Variants in SH3KBP1 observed in about 807,000 individuals in gnomAD.
The protein encoded by SH3KBP1 is SH3 domain-containing kinase-binding protein 1.
SH3KBP1 carries 8 observed loss-of-function variants against 50.1 expected under a neutral mutation model. The ratio of observed to expected loss-of-function variants is 0.16; its 90% CI spans 0.09 to 0.29. The LOEUF is 0.29. SH3KBP1 is among the 10% of genes least tolerant of loss of function. The pLI is 1.00. For missense variants in SH3KBP1, 377 were observed against 535.2 expected (o/e 0.70, Z 2.92); for synonymous variants, 227 against 218.6 (o/e 1.04, Z -0.34).
chrX:19,871,467 G>A (rs185156890), intron 1 of SH3KBP1, among the ~76,000 whole-genome samples: 1 of 112,418 alleles, frequency 8.9e-6, no homozygotes, highest in Non-Finnish European at 1.9e-5. Flanking sequence ...AAAGTATATG[G>A]TACATATTAG....
At chrX:19,651,652 C>T (rs1034991633) in intron 6 of SH3KBP1, among the ~76,000 whole-genome samples, 1 of 112,555 alleles carries the variant, frequency 8.9e-6, no homozygotes, top group African/African-American at 3.2e-5. Context: ...TCTTTGCCCA[C>T]AGTTAAAGAC....
Position 19,580,846 on chromosome X carries a change from C to T in SH3KBP1, c.1298+7797G>A, listed in dbSNP as rs1162492310. Among the ~76,000 whole-genome samples the T allele has an allele frequency of 2.7e-5, 3 of 111,731 alleles. No homozygotes were observed. In the Admixed American group the frequency reaches 2.9e-4, roughly 11 times the overall value. ...TCCCTGCTGCTGTCTCTACTCTTTC[C>T]TCCTCCTGTTCTCCGTAATCTCCTG... On this transcript the variant is annotated intron_variant, in intron 12 of 17. Transcript: ENST00000397821.
chrX:19,586,153 C>T (rs1354895499), intron 12 of SH3KBP1, among the ~76,000 whole-genome samples: 2 of 112,130 alleles, frequency 1.8e-5, no homozygotes, highest in South Asian at 3.7e-4. Flanking sequence ...AGGAAGGAGG[C>T]AAATGGGACC....
At chrX:19,850,140 T>A (rs1051155285) in intron 1 of SH3KBP1, among the ~76,000 whole-genome samples, 6 of 111,962 alleles carry the variant, frequency 5.4e-5, no homozygotes, top group African/African-American at 2.0e-4. Flanking sequence ...TATACATATG[T>A]ATGTTTCAAT....
At position 19,536,190 on chromosome X, in the gene SH3KBP1, GCT is replaced by G; in HGVS notation, c.*225_*226del. 3.5e-6 allele frequency: 1 copy of G among 284,370 alleles called. No individual in the cohort carries two copies. Among genetic ancestry groups the G allele is most frequent in the Non-Finnish European group, 6.4e-6 (1 of 156,412 alleles). 23.4% of individuals were successfully genotyped at this position (284,370 alleles called of 1,213,427 possible). On this transcript the variant is annotated 3_prime_UTR_variant, in exon 18 of 18. Coordinates refer to ENST00000397821, the MANE Select transcript of SH3KBP1 (RefSeq NM_031892.3). ...GTAGAAAAGCCTTTAGCACAATTTT[GCT>G]CTGTGTAAGTCACAACGAGTGCCAG...
At chrX:19,557,230 A>G (rs1460194161) in intron 13 of SH3KBP1, among the ~76,000 whole-genome samples, 2 of 111,552 alleles carry the variant, frequency 1.8e-5, no homozygotes, top group East Asian at 2.8e-4. Flanking sequence ...TTTTTTTTCT[A>G]TTTTATTCAA....
chrX:19,791,300 CT>C (rs1184455848), intron 2 of SH3KBP1, among the ~76,000 whole-genome samples: 1 of 111,387 alleles, frequency 9.0e-6, no homozygotes, highest in Non-Finnish European at 1.9e-5. Context: ...AACAACTCCA[CT>C]GCTAAGCATG....
At chrX:19,687,854 G>A (rs1412654757) in intron 5 of SH3KBP1, among the ~76,000 whole-genome samples, 1 of 111,944 alleles carries the variant, frequency 8.9e-6, no homozygotes, top group Non-Finnish European at 1.9e-5. Flanking sequence ...AGACCATTAG[G>A]CAGGATTTAA....
intron 8 of SH3KBP1, among the ~76,000 whole-genome samples, chrX:19,618,395 A>AAAC (rs1556025582): frequency 1.9e-5 from 2 of 106,595 alleles, no homozygotes; most frequent in African/African-American, 6.9e-5. Context: ...CAAAAAAAAA[A>AAAC]AAAAAAAAAA....
rs1325454844 is a variant in SH3KBP1, at chrX:19,887,452, G to A, written c.-142C>T. On this transcript the variant is annotated 5_prime_UTR_variant, in exon 1 of 18. Coordinates refer to ENST00000397821, the MANE Select transcript of SH3KBP1 (RefSeq NM_031892.3). ...GGCGGCTGGGCCGGCTTCTTCCTCA[G>A]TGGCGGCGGCGGCGGCTCAGCGCCG... 1 of 450,752 alleles carries A rather than the reference G, an allele frequency of 2.2e-6. No homozygotes were observed. Among genetic ancestry groups the A allele is most frequent in the Admixed American group, 6.5e-5 (1 of 15,428 alleles). The allele number at this position is 450,752 out of a possible 1,213,427, so 37.1% of individuals were successfully genotyped here.
intron 4 of SH3KBP1, among the ~76,000 whole-genome samples, chrX:19,696,391 T>A (rs1277788638): frequency 1.8e-5 from 2 of 111,929 alleles, no homozygotes; most frequent in East Asian, 5.6e-4. Context: ...AAAAATATAG[T>A]TAAGAATTTA....
At chrX:19,668,489 T>C (rs769544446) in intron 6 of SH3KBP1, among the ~76,000 whole-genome samples, 5 of 104,548 alleles carry the variant, frequency 4.8e-5, no homozygotes, top group Non-Finnish European at 7.8e-5. Flanking sequence ...ACAGGCAACA[T>C]TTGATATGAC....
At chrX:19,668,115 T>G (rs1221318594) in intron 6 of SH3KBP1, among the ~76,000 whole-genome samples, 1 of 111,500 alleles carries the variant, frequency 9.0e-6, no homozygotes, top group East Asian at 2.8e-4. Context: ...AGGGGTCCCA[T>G]AGTACATTAA....
At chrX:19,588,256 A>G in intron 12 of SH3KBP1, 1 of 852,577 alleles carries the variant, frequency 1.2e-6, no homozygotes, top group African/African-American at 2.0e-5. Flanking sequence ...GCCACACATG[A>G]GATATACATA....
rs756388447 is a variant in SH3KBP1, at chrX:19,573,952, G to A, written c.1299-4764C>T. The stretch of plus-strand genomic sequence containing the variant: ...GGCTAGCTTCAACAGGATCACCTCC[G>A]AGAGGCGTTCTATCTAGAGCTCCTG... On this transcript the variant is annotated intron_variant, in intron 12 of 17. Transcript: ENST00000397821. Among the ~76,000 whole-genome samples the A allele has an allele frequency of 5.4e-5, 6 of 111,360 alleles. No individual in the cohort carries two copies. In the East Asian group the frequency reaches 1.1e-3, roughly 21 times the overall value.
At chrX:19,665,338 CA>C (rs778051564) in intron 6 of SH3KBP1, among the ~76,000 whole-genome samples, 3 of 112,021 alleles carry the variant, frequency 2.7e-5, no homozygotes, top group Non-Finnish European at 5.6e-5. Flanking sequence ...TTCACTTTGC[CA>C]AACCATGCCT....
At chrX:19,773,462 GTC>G (rs2065850221) in intron 2 of SH3KBP1, among the ~76,000 whole-genome samples, 1 of 102,820 alleles carries the variant, frequency 9.7e-6, no homozygotes, top group African/African-American at 3.7e-5. Context: ...AAGCAATTCA[GTC>G]TCTGTCTCTC....
chrX:19,623,651 T>C (rs751872711), intron 8 of SH3KBP1, among the ~76,000 whole-genome samples: 2 of 112,325 alleles, frequency 1.8e-5, no homozygotes, highest in Admixed American at 1.9e-4. Flanking sequence ...GCCATTGCAC[T>C]CCAGCCTGGG....
intron 6 of SH3KBP1, among the ~76,000 whole-genome samples, chrX:19,667,776 A>C (rs1237511794): frequency 9.6e-6 from 1 of 104,316 alleles, no homozygotes; most frequent in Non-Finnish European, 1.9e-5. Context: ...AGTTAAGTGT[A>C]TAGGATTCAG....
Sources: allele counts gnomAD v4.1 joint callset (sites outside exome capture counted in the v4.1 genomes callset), GRCh38; gene constraint gnomAD v4.1.1; transcripts MANE v1.5; gene names NCBI Gene and HGNC (gene_info 2026-07-23, HGNC 2026-07-21).